Variants in PDE4D observed in about 807,000 individuals in gnomAD.
PDE4D encodes phosphodiesterase 4D, also known as 3',5'-cyclic-AMP phosphodiesterase 4D.
Under a neutral mutation model 87.4 loss-of-function variants are expected in PDE4D, and 24 were observed. The ratio of observed to expected loss-of-function variants is 0.27; its 90% CI spans 0.20 to 0.39. PDE4D has a LOEUF of 0.39. Among genes scored for constraint, PDE4D ranks in the 10% least tolerant of loss-of-function variants. The probability of loss-of-function intolerance (pLI) is 1.00; values close to 1 mark genes in which losing one functional copy is unlikely to be tolerated. For missense variants in PDE4D, 714 were observed against 1,041.0 expected (o/e 0.69, Z 4.32); for synonymous variants, 384 against 383.2 (o/e 1.00, Z -0.02).
chr5:59,306,064 G>A (rs1019484114), intron 1 of PDE4D, among the ~76,000 whole-genome samples: 1 of 151,962 alleles, frequency 6.6e-6, no homozygotes, highest in Non-Finnish European at 1.5e-5. Flanking sequence ...ATAAATTTGG[G>A]GGCTCCATTG....
chr5:59,408,077 A>G (rs932340782), intron 1 of PDE4D, among the ~76,000 whole-genome samples: 2 of 152,212 alleles, frequency 1.3e-5, no homozygotes, highest in Non-Finnish European at 1.5e-5. Context: ...CTAATAGCCA[A>G]AATAATGGGA....
intron 5 of PDE4D, chr5:59,039,413 C>G (rs1759210122): frequency 2.0e-6 from 2 of 999,004 alleles, no homozygotes; most frequent in Non-Finnish European, 2.4e-6. Context: ...TCCTCGGTCC[C>G]CAACCCGGAG....
At chr5:59,490,226 A>T (rs1038962698) in intron 1 of PDE4D, among the ~76,000 whole-genome samples, 21 of 152,160 alleles carry the variant, frequency 1.4e-4, no homozygotes, top group African/African-American at 4.8e-4. Flanking sequence ...TGATTTTCTA[A>T]AAAGTAGGTG....
intron 5 of PDE4D, among the ~76,000 whole-genome samples, chr5:59,082,844 C>T (rs1454950524): frequency 6.6e-6 from 1 of 152,104 alleles, no homozygotes; most frequent in Non-Finnish European, 1.5e-5. Flanking sequence ...TTCTTGAAAG[C>T]ATTTTTCCTG....
intron 1 of PDE4D, among the ~76,000 whole-genome samples, chr5:60,319,564 A>G (rs1755998741): frequency 6.6e-6 from 1 of 152,078 alleles, no homozygotes; most frequent in South Asian, 2.1e-4. Context: ...AGGTGCTCTG[A>G]TTTTTAGTTT....
chr5:59,579,660 A>G (rs1823745503), intron 1 of PDE4D, among the ~76,000 whole-genome samples: 1 of 152,222 alleles, frequency 6.6e-6, no homozygotes, highest in African/African-American at 2.4e-5. Flanking sequence ...ACAGGGCTCA[A>G]CAATGCCCCG....
chr5:59,824,553 TAAGTA>T (rs1256848153), intron 1 of PDE4D, among the ~76,000 whole-genome samples: 2 of 152,350 alleles, frequency 1.3e-5, no homozygotes, highest in African/African-American at 2.4e-5. Context: ...ATGGAATTCT[TAAGTA>T]AAGATTGAGT....
rs529449066 is a variant in PDE4D, at chr5:59,080,824, A to G, written c.809-41853T>C. On this transcript the variant is annotated intron_variant, in intron 5 of 14. Transcript: ENST00000340635. ...AATTTAATCTTATAGACCATGAAAC[A>G]TGTTATAATTAAAGATCTGAACTAT... is the stretch of plus-strand genomic sequence containing the variant. Among the ~76,000 whole-genome samples, 26 of 152,346 alleles carry G rather than the reference A, an allele frequency of 1.7e-4. No individual in the cohort carries two copies. The South Asian group carries it at 5.4e-3, about 32-fold the overall frequency.
intron 1 of PDE4D, among the ~76,000 whole-genome samples, chr5:60,402,298 ATCT>A (rs148925460): frequency 0.023 from 3,462 of 152,286 alleles, 119 homozygotes; most frequent in African/African-American, 0.08. Context: ...GCATCCAAAA[ATCT>A]TCTCAAATCT....
intron 1 of PDE4D, among the ~76,000 whole-genome samples, chr5:59,477,271 AAAAAC>A (rs1306814162): frequency 1.3e-5 from 2 of 151,538 alleles, no homozygotes; most frequent in African/African-American, 4.8e-5. Flanking sequence ...TTTATTCTTA[AAAAAC>A]AAAAGGACAT....
At chr5:60,286,568 T>G (rs1752438913) in intron 1 of PDE4D, among the ~76,000 whole-genome samples, 2 of 152,142 alleles carry the variant, frequency 1.3e-5, no homozygotes, top group African/African-American at 4.8e-5. Flanking sequence ...CTGGTTATTT[T>G]TGAAACTCCA....
intron 1 of PDE4D, among the ~76,000 whole-genome samples, chr5:59,510,517 A>G (rs1470814994): frequency 6.6e-6 from 1 of 151,870 alleles, no homozygotes; most frequent in East Asian, 1.9e-4. Context: ...AAGAATGGGC[A>G]TAGTATAAGA....
chr5:59,475,795 C>T (rs1156605124), intron 1 of PDE4D, among the ~76,000 whole-genome samples: 1 of 152,100 alleles, frequency 6.6e-6, no homozygotes, highest in Non-Finnish European at 1.5e-5. Context: ...GCCTCAATGT[C>T]CCCAAGCTCC....
rs1032988449 is a variant in PDE4D, at chr5:60,211,498, T to G, written c.-89-25811A>C. Reference sequence around the variant, plus strand: ...ATATATATGTATATACAAATATATATATAGATATATATGTATAATGTATAT... The same window carrying G: ...ATATATATGTATATACAAATATATAGATAGATATATATGTATAATGTATAT... On this transcript the variant is annotated intron_variant, in intron 1 of 16. Coordinates refer to the PDE4D transcript ENST00000502484. 4.7e-5 allele frequency among the ~76,000 whole-genome samples: 7 copies of G among 149,342 alleles called. No individual in the cohort carries two copies. The Admixed American group carries it at 4.7e-4, about 10-fold the overall frequency.
At chr5:59,818,295 T>C (rs1205623431) in intron 1 of PDE4D, among the ~76,000 whole-genome samples, 2 of 152,228 alleles carry the variant, frequency 1.3e-5, no homozygotes, top group African/African-American at 4.8e-5. Context: ...AGTTGTGAAA[T>C]GGGATAATAA....
chr5:59,839,362 C>T (rs767110541), intron 1 of PDE4D, among the ~76,000 whole-genome samples: 21 of 151,774 alleles, frequency 1.4e-4, no homozygotes, highest in Non-Finnish European at 2.1e-4. Context: ...GGCTTCTCTC[C>T]TTCAACTCCT....
chr5:59,217,328 T>C (rs1318724135), intron 1 of PDE4D: 1 of 453,622 alleles, frequency 2.2e-6, no homozygotes, highest in Non-Finnish European at 4.4e-6. Context: ...CATTAGAATC[T>C]TTATTCAAAC....
chr5:59,244,664 ATGTATGTGTGTGTGTCTG>A (rs1758430562), intron 1 of PDE4D, among the ~76,000 whole-genome samples: 2 of 123,888 alleles, frequency 1.6e-5, no homozygotes, highest in Non-Finnish European at 3.4e-5. Context: ...AGATATATGT[ATGTATGTGTGTGTGTCTG>A]TGTGTGTGTG....
chr5:60,116,580 T>G (rs1778190024), intron 2 of PDE4D, among the ~76,000 whole-genome samples: 1 of 152,072 alleles, frequency 6.6e-6, no homozygotes, highest in South Asian at 2.1e-4. Context: ...ATGCAGAAAC[T>G]GATAGTCTAT....
Sources: allele counts gnomAD v4.1 joint callset (sites outside exome capture counted in the v4.1 genomes callset), GRCh38; gene constraint gnomAD v4.1.1; transcripts MANE v1.5; gene names NCBI Gene and HGNC (gene_info 2026-07-23, HGNC 2026-07-21).